Variants in SPMIP2 observed in about 807,000 individuals in gnomAD.
SPMIP2 encodes the protein protein SPMIP2.
the SPMIP2 span, among the ~76,000 whole-genome samples, chr4:159,056,386 C>T: frequency 6.6e-6 from 1 of 151,822 alleles, no homozygotes; most frequent in Non-Finnish European, 1.5e-5. Context: ...GGTGGATGTG[C>T]TGAGTGTGGA....
the SPMIP2 span, among the ~76,000 whole-genome samples, chr4:159,065,998 T>C: frequency 2.6e-5 from 4 of 152,350 alleles, no homozygotes; most frequent in Non-Finnish European, 4.4e-5. Context: ...TTTGTGGCTA[T>C]GTATGTGTCT....
chr4:159,023,028 C>CAATAA, the SPMIP2 span, among the ~76,000 whole-genome samples: 957 of 137,386 alleles, frequency 7.0e-3, 1 homozygote, highest in African/African-American at 0.014. Context: ...GACTCCATCT[C>CAATAA]AATAAAATAA....
the SPMIP2 span, among the ~76,000 whole-genome samples, chr4:159,063,390 C>G: frequency 6.6e-6 from 1 of 151,834 alleles, no homozygotes; most frequent in Admixed American, 6.6e-5. Flanking sequence ...GAAACGCCTT[C>G]TCTATAAAAA....
chr4:158,896,992 C>G, the SPMIP2 span, among the ~76,000 whole-genome samples: 1 of 151,992 alleles, frequency 6.6e-6, no homozygotes, highest in Non-Finnish European at 1.5e-5. Flanking sequence ...CTATCCCACC[C>G]CCAGCCCCCC....
At chr4:158,985,883 C>T in the SPMIP2 span, among the ~76,000 whole-genome samples, 1 of 151,792 alleles carries the variant, frequency 6.6e-6, no homozygotes, top group Non-Finnish European at 1.5e-5. Context: ...ATCTAGAAAA[C>T]CCCATTGTCT....
chr4:158,954,764 C>T, the SPMIP2 span, among the ~76,000 whole-genome samples: 4 of 152,014 alleles, frequency 2.6e-5, no homozygotes, highest in Non-Finnish European at 5.9e-5. Context: ...CTGAAGTTAG[C>T]CTTCATATTA....
At chr4:158,979,920 C>A in the SPMIP2 span, among the ~76,000 whole-genome samples, 1 of 151,820 alleles carries the variant, frequency 6.6e-6, no homozygotes, top group Non-Finnish European at 1.5e-5. Context: ...GGATCCCCTC[C>A]CCACAGAACC....
chr4:158,893,839 A>G, the SPMIP2 span: 1 of 628,700 alleles, frequency 1.6e-6, no homozygotes, highest in African/African-American at 1.8e-5. Flanking sequence ...TATCAAAGCA[A>G]TAAATTGTTA....
chr4:158,948,979 C>T, the SPMIP2 span, among the ~76,000 whole-genome samples: 3 of 152,006 alleles, frequency 2.0e-5, no homozygotes, highest in South Asian at 6.2e-4. Context: ...CTTCTGTTTT[C>T]TCTGACCTTT....
chr4:159,035,984 T>G, the SPMIP2 span, among the ~76,000 whole-genome samples: 1 of 152,256 alleles, frequency 6.6e-6, no homozygotes, highest in Non-Finnish European at 1.5e-5. Context: ...AAAGTATACT[T>G]ATTTATATTT....
chr4:158,942,767 ACT>A, the SPMIP2 span, among the ~76,000 whole-genome samples: 8 of 152,202 alleles, frequency 5.3e-5, no homozygotes, highest in Non-Finnish European at 7.4e-5. Flanking sequence ...ACAGAGCAAG[ACT>A]CTGTCTCAAA....
chr4:159,077,178 T>C, the SPMIP2 span, among the ~76,000 whole-genome samples: 1 of 151,506 alleles, frequency 6.6e-6, no homozygotes, highest in Non-Finnish European at 1.5e-5. Context: ...TTCGCTCTTG[T>C]TGCGCAGGCT....
chr4:159,033,873 G>A, the SPMIP2 span, among the ~76,000 whole-genome samples: 2 of 152,150 alleles, frequency 1.3e-5, no homozygotes, highest in East Asian at 1.9e-4. Context: ...CCAGGTTCAC[G>A]CCTGGAATCC....
chr4:159,068,116 T>A, the SPMIP2 span, among the ~76,000 whole-genome samples: 1 of 152,160 alleles, frequency 6.6e-6, no homozygotes, highest in African/African-American at 2.4e-5. Context: ...TCCTCAGGGA[T>A]CTAGAACTAG....
chr4:158,930,979 T>C, the SPMIP2 span, among the ~76,000 whole-genome samples: 1 of 152,236 alleles, frequency 6.6e-6, no homozygotes, highest in Admixed American at 6.5e-5. Flanking sequence ...GTGGGAAGTT[T>C]TGGCTATTAT....
chr4:158,981,830 A>G, the SPMIP2 span, among the ~76,000 whole-genome samples: 1 of 130,416 alleles, frequency 7.7e-6, no homozygotes, highest in East Asian at 2.3e-4. Flanking sequence ...AAAAAAAAAA[A>G]AAAGAGCTAG....
chr4:159,017,342 C>A, the SPMIP2 span, among the ~76,000 whole-genome samples: 3 of 83,084 alleles, frequency 3.6e-5, no homozygotes, highest in Middle Eastern at 0.011. Context: ...AGACAAAACA[C>A]AAACACAAAC....
the SPMIP2 span, among the ~76,000 whole-genome samples, chr4:158,909,681 C>T: frequency 6.6e-6 from 1 of 151,178 alleles, no homozygotes; most frequent in Non-Finnish European, 1.5e-5. Context: ...CTCAAGTATC[C>T]TCCTGCCTCA....
the SPMIP2 span, among the ~76,000 whole-genome samples, chr4:159,047,215 T>C: frequency 6.6e-6 from 1 of 152,192 alleles, no homozygotes; most frequent in Non-Finnish European, 1.5e-5. Context: ...AAAAAAATTA[T>C]AAAAAGTAGA....
Sources: allele counts gnomAD v4.1 joint callset (sites outside exome capture counted in the v4.1 genomes callset), GRCh38; gene constraint gnomAD v4.1.1; transcripts MANE v1.5; gene names NCBI Gene and HGNC (gene_info 2026-07-23, HGNC 2026-07-21).